The following CHL1 variants were observed in gnomAD, a reference collection of about 807,000 sequenced individuals.
CHL1 encodes the protein neural cell adhesion molecule L1-like protein.
Under a neutral mutation model 141.9 loss-of-function variants are expected in CHL1, and 96 were observed. The ratio of observed to expected loss-of-function variants is 0.68; its 90% CI spans 0.57 to 0.80. The LOEUF (loss-of-function observed/expected upper bound fraction) is 0.80. CHL1 is among the 30% of genes least tolerant of loss of function. The pLI, the probability that CHL1 is intolerant of heterozygous loss-of-function variation, is 0.00. For missense variants in CHL1, 1,820 were observed against 1,457.2 expected, an observed-to-expected ratio of 1.25 and a Z score of -4.05; for synonymous variants, 613 against 502.2, an observed-to-expected ratio of 1.22 and a Z score of -2.95.
intron 3 of CHL1, among the ~76,000 whole-genome samples, chr3:324,960 G>A (rs879933092): frequency 4.3e-4 from 66 of 151,916 alleles, no homozygotes; most frequent in Admixed American, 8.5e-4. Context: ...TTTGTCACAA[G>A]AGGAGGGGAT....
chr3:404,011 CTG>C (rs1709344344), intron 27 of CHL1, among the ~76,000 whole-genome samples: 1 of 152,174 alleles, frequency 6.6e-6, no homozygotes, highest in South Asian at 2.1e-4. Flanking sequence ...TCAGGGGAGC[CTG>C]TGTTATGCTG....
intron 2 of CHL1, among the ~76,000 whole-genome samples, chr3:290,234 C>G (rs1697561633): frequency 6.6e-6 from 1 of 152,080 alleles, no homozygotes; most frequent in African/African-American, 2.4e-5. Context: ...AGTAAGAGAA[C>G]TGAAACATGA....
intron 2 of CHL1, among the ~76,000 whole-genome samples, chr3:291,630 G>T (rs183013108): frequency 1.3e-3 from 198 of 151,942 alleles, no homozygotes; most frequent in Non-Finnish European, 2.4e-3. Flanking sequence ...CCTATACATT[G>T]TTATTTCTCA....
At chr3:283,013 G>A (rs1286582034) in intron 2 of CHL1, among the ~76,000 whole-genome samples, 2 of 152,146 alleles carry the variant, frequency 1.3e-5, no homozygotes. Flanking sequence ...AACAGCTCCT[G>A]CTCTGATTGT....
intron 15 of CHL1, among the ~76,000 whole-genome samples, chr3:366,551 T>G (rs887794476): frequency 1.3e-5 from 2 of 152,058 alleles, no homozygotes; most frequent in African/African-American, 4.8e-5. Flanking sequence ...TCAAGTCACT[T>G]CACTCTGCTA....
intron 2 of CHL1, among the ~76,000 whole-genome samples, chr3:256,752 T>C (rs1559345071): frequency 6.6e-6 from 1 of 152,194 alleles, no homozygotes; most frequent in Non-Finnish European, 1.5e-5. Flanking sequence ...GATTCATATG[T>C]ATCTTTTTGG....
chr3:321,610 T>C (rs1293903816), intron 3 of CHL1, among the ~76,000 whole-genome samples: 1 of 152,122 alleles, frequency 6.6e-6, no homozygotes, highest in Non-Finnish European at 1.5e-5. Flanking sequence ...TTCTTCATCA[T>C]TTCTTACTTT....
At chr3:276,070 G>A (rs9873092) in intron 2 of CHL1, among the ~76,000 whole-genome samples, 4 of 151,542 alleles carry the variant, frequency 2.6e-5, no homozygotes, top group Admixed American at 1.3e-4. Flanking sequence ...CTCTAAAGTC[G>A]AAATTATTAT....
chr3:389,686 G>C (rs1332518226), intron 20 of CHL1, among the ~76,000 whole-genome samples: 4 of 152,152 alleles, frequency 2.6e-5, no homozygotes, highest in African/African-American at 4.8e-5. Context: ...TATGTTGAAA[G>C]TTTTCATTTT....
At chr3:283,010 C>T (rs761686639) in intron 2 of CHL1, among the ~76,000 whole-genome samples, 7 of 152,198 alleles carry the variant, frequency 4.6e-5, no homozygotes, top group Non-Finnish European at 1.0e-4. Flanking sequence ...TCTAACAGCT[C>T]CTGCTCTGAT....
intron 2 of CHL1, among the ~76,000 whole-genome samples, chr3:272,740 C>T (rs1438461552): frequency 6.6e-6 from 1 of 152,188 alleles, no homozygotes; most frequent in Non-Finnish European, 1.5e-5. Flanking sequence ...CAAAGATGAT[C>T]ATAAAGATGA....
chr3:391,581 T>C (rs1708230165), intron 22 of CHL1, 94 bp from the exon 23 acceptor site: 2 of 809,662 alleles, frequency 2.5e-6, no homozygotes, highest in Non-Finnish European at 4.0e-6. Flanking sequence ...TCAGATGAGT[T>C]TGCTTGTCAA....
chr3:229,162 G>C (rs1012160992), intron 1 of CHL1, among the ~76,000 whole-genome samples: 5 of 152,128 alleles, frequency 3.3e-5, no homozygotes, highest in Non-Finnish European at 7.3e-5. Context: ...TTTTAAGGTG[G>C]TGTTACATTT....
At chr3:299,526 G>T (rs1171455828) in intron 2 of CHL1, among the ~76,000 whole-genome samples, 1 of 152,164 alleles carries the variant, frequency 6.6e-6, no homozygotes, top group Non-Finnish European at 1.5e-5. Flanking sequence ...CCAATTTTGA[G>T]AAATTACTAT....
intron 5 of CHL1, among the ~76,000 whole-genome samples, chr3:339,749 A>G (rs1363284440): frequency 6.6e-6 from 1 of 152,246 alleles, no homozygotes; most frequent in Non-Finnish European, 1.5e-5. Context: ...ACAAATATAT[A>G]GGAAGTGCAC....
intron 1 of CHL1, among the ~76,000 whole-genome samples, chr3:221,273 G>A (rs1272517984): frequency 5.9e-5 from 9 of 152,118 alleles, no homozygotes; most frequent in Admixed American, 1.3e-4. Flanking sequence ...CGTGTGGCTC[G>A]GAATAAATCT....
intron 13 of CHL1, 44 bp from the exon 14 acceptor site, chr3:363,173 A>G: frequency 6.4e-7 from 1 of 1,561,428 alleles, no homozygotes; most frequent in Non-Finnish European, 8.7e-7. Flanking sequence ...AGCGTATACA[A>G]TTTTGCCCTA....
chr3:405,686 C>T lies in CHL1; in HGVS notation c.3650C>T (p.Thr1217Ile), dbSNP rs1282801540. ...KGSVESNGSS[T>I]ATFPLRA is the part of the protein sequence containing the mutation. ...TCTGTTGAAAGCAATGGAAGTTCTA[C>T]AGCAACTTTTCCCCTTCGGGCATAA... The change falls in exon 28 of 28, where the codon ACA (threonine) becomes ATA (isoleucine). Residue 1217 changes from threonine to isoleucine, a missense_variant. Coordinates refer to ENST00000256509, the MANE Select transcript of CHL1 (RefSeq NM_006614.4). The T allele has an allele frequency of 1.2e-6, 2 of 1,613,246 alleles. No homozygotes were observed. Among genetic ancestry groups the T allele is most frequent in the Non-Finnish European group, 1.7e-6 (2 of 1,179,418 alleles).
At chr3:394,921 G>A (rs919112688) in intron 24 of CHL1, 49 bp downstream of exon 24, 3 of 1,455,762 alleles carry the variant, frequency 2.1e-6, no homozygotes, top group African/African-American at 1.4e-5. Flanking sequence ...AAAAGAGACT[G>A]CATCTTTTTA....
Sources: allele counts gnomAD v4.1 joint callset (sites outside exome capture counted in the v4.1 genomes callset), GRCh38; gene constraint gnomAD v4.1.1; transcripts MANE v1.5; gene names NCBI Gene and HGNC (gene_info 2026-07-23, HGNC 2026-07-21).